The following ALAS2 variants were observed in gnomAD, a reference collection of about 807,000 sequenced individuals.
The protein encoded by ALAS2 is 5-aminolevulinate synthase, erythroid-specific, mitochondrial.
A neutral mutation model predicts 33.7 loss-of-function variants in ALAS2; 3 were observed. The observed-to-expected ratio is 0.09, with a 90% CI of 0.04 to 0.23. The LOEUF is 0.23. Among genes scored for constraint, ALAS2 ranks in the 10% least tolerant of loss-of-function variants. ALAS2 has a pLI of 1.00. For synonymous variants in ALAS2, 191 were observed against 177.3 expected (o/e 1.08, Z -0.61); for missense variants, 304 against 475.1 (o/e 0.64, Z 3.35).
rs138148459 is a variant in ALAS2, at chrX:55,017,292, A to G, written c.1003+194T>C. 5.3e-5 allele frequency among the ~76,000 whole-genome samples: 6 copies of G among 112,549 alleles called. No individual in the cohort carries two copies. The East Asian group carries it at 1.7e-3, about 31-fold the overall frequency. On this transcript the variant is annotated intron_variant, in intron 7 of 10. Transcript: ENST00000650242. ...TCCTCATGTAAAAAATCAAAATAAT[A>G]ATAACACCTATCACATAGAATTGTT...
intron 10 of ALAS2, among the ~76,000 whole-genome samples, chrX:55,011,353 A>G (rs1935599984): frequency 8.9e-6 from 1 of 112,123 alleles, no homozygotes; most frequent in African/African-American, 3.2e-5. Context: ...TTTAAGATAA[A>G]AAAACATAAA....
chrX:55,027,888 G>A, intron 1 of ALAS2: 1 of 862,832 alleles, frequency 1.2e-6, no homozygotes, highest in Non-Finnish European at 1.7e-6. Context: ...AGGGTTGTTG[G>A]AGGGACTAAA....
chrX:55,028,020 A>G (rs753816592), intron 1 of ALAS2, among the ~76,000 whole-genome samples: 6 of 112,023 alleles, frequency 5.4e-5, no homozygotes, highest in Non-Finnish European at 9.4e-5. Flanking sequence ...TCTTGTTCAA[A>G]TCACTTCCCC....
intron 10 of ALAS2, 40 bp from the exon 11 acceptor site, chrX:55,009,383 G>A: frequency 1.7e-6 from 2 of 1,151,160 alleles, no homozygotes; most frequent in South Asian, 3.9e-5. Context: ...AAATGGGTTA[G>A]ACTAGATCTT....
chrX:55,009,727 T>A, intron 10 of ALAS2, among the ~76,000 whole-genome samples: 1 of 110,852 alleles, frequency 9.0e-6, no homozygotes. Context: ...AAACCTGGGG[T>A]AGGGGGTCCA....
intron 7 of ALAS2, among the ~76,000 whole-genome samples, chrX:55,015,947 C>T (rs765421354): frequency 3.1e-5 from 3 of 96,071 alleles, no homozygotes; most frequent in African/African-American, 1.2e-4. Flanking sequence ...CTCTCTCTCT[C>T]TCTCTGTCTC....
At chrX:55,026,212 C>G (rs1935889955) in intron 1 of ALAS2, among the ~76,000 whole-genome samples, 197 bp from the exon 2 acceptor site, 1 of 111,383 alleles carries the variant, frequency 9.0e-6, no homozygotes, top group Non-Finnish European at 1.9e-5. Flanking sequence ...AGGAAACTGA[C>G]TACTGGGCAA....
intron 2 of ALAS2, 74 bp from the exon 3 acceptor site, chrX:55,024,914 C>T: frequency 8.7e-7 from 1 of 1,145,537 alleles, no homozygotes; most frequent in Non-Finnish European, 1.2e-6. Context: ...TTGCTGAGAT[C>T]TAATGTACCC....
intron 8 of ALAS2, among the ~76,000 whole-genome samples, chrX:55,015,312 AG>A (rs1250087261): frequency 6.5e-5 from 7 of 108,355 alleles, no homozygotes; most frequent in African/African-American, 2.0e-4. Flanking sequence ...AGGGTGGGGG[AG>A]GGGTTTAGAA....
chrX:55,013,536 C>T lies in ALAS2; in HGVS notation c.1550G>A (p.Arg517His). 8.3e-7 allele frequency: 1 copy of T among 1,211,310 alleles called. No individual in the cohort carries two copies. The highest frequency in any genetic ancestry group is 1.1e-6 in the Non-Finnish European group (1 of 895,388). ...PTVPRGEELL[R>H]LAPSPHHSPQ... The stretch of plus-strand genomic sequence containing the variant: ...GCTGTGGTGGGGGGAGGGTGCCAAG[C>T]GCAGGAGCTCTTCACCCCGGGGGAC... Residue 517 changes from arginine (R) to histidine (H), a missense_variant, in exon 10 of 11, where the codon CGC becomes CAC. Coordinates refer to ENST00000650242, the MANE Select transcript of ALAS2 (RefSeq NM_000032.5).
At chrX:55,030,471 C>T (rs1409633073) in intron 1 of ALAS2, among the ~76,000 whole-genome samples, 1 of 111,307 alleles carries the variant, frequency 9.0e-6, no homozygotes, top group Non-Finnish European at 1.9e-5. Context: ...TGCTGTCAGC[C>T]CAGCAGGTAG....
rs954747290 is a variant in ALAS2, at chrX:55,030,962, C to T, written c.-36G>A. 9 of 340,340 alleles carry T rather than the reference C, an allele frequency of 2.6e-5. No individual in the cohort carries two copies. In the East Asian group the frequency reaches 3.9e-4, roughly 15 times the overall value. 28.0% of individuals were successfully genotyped at this position (340,340 alleles called of 1,213,427 possible). ...CTTACCTGTTGCCCTGCACTGAGGA[C>T]GAACGAATGACAGGTGGGTACTTGG... is the stretch of plus-strand genomic sequence containing the variant. On this transcript the variant is annotated 5_prime_UTR_variant, in exon 1 of 11. Coordinates refer to ENST00000650242, the MANE Select transcript of ALAS2 (RefSeq NM_000032.5).
At chrX:55,020,292 C>T in intron 6 of ALAS2, 28 bp downstream of exon 6, 1 of 1,195,686 alleles carries the variant, frequency 8.4e-7, no homozygotes, top group Non-Finnish European at 1.1e-6. Context: ...GATACCAGCC[C>T]TGAACAAAGC....
At position 55,015,586 on chromosome X, in the gene ALAS2, C is replaced by G. The variant is rs1057522832; in HGVS notation, c.1160G>C (p.Gly387Ala). The G allele has an allele frequency of 8.3e-7, 1 of 1,211,372 alleles. No individual in the cohort carries two copies. Among genetic ancestry groups the G allele is most frequent in the South Asian group, 1.8e-5 (1 of 56,969 alleles). The change falls in exon 8 of 11, where the codon GGA becomes GCA. Residue 387 changes from glycine to alanine, a missense_variant. By Grantham distance (60) the Gly-to-Ala change is moderately conservative. Coordinates refer to ENST00000650242, the MANE Select transcript of ALAS2 (RefSeq NM_000032.5). Reference sequence around the variant, plus strand: ...CCAAAGCATTCACTTACCAAGAGTTCCAGAGATGATGTCAATCTTATGCAT... The same window carrying G: ...CCAAAGCATTCACTTACCAAGAGTTGCAGAGATGATGTCAATCTTATGCAT... ...GIMHKIDIIS[G>A]TLGKAFGCVG...
rs759942605 is a variant in ALAS2 at position 55,017,613 on chromosome X, G to A, written c.876C>T (p.Ile292=). The A allele has an allele frequency of 8.3e-7, 1 of 1,211,665 alleles. No individual in the cohort carries two copies. The highest frequency in any genetic ancestry group is 1.1e-6 in the Non-Finnish European group (1 of 895,487). Reference sequence around the variant, plus strand: ...CAAACTTGGCTGCTCCACTGTTACGGATACCTTGGATCATGGAAGCATGGT... The same window carrying A: ...CAAACTTGGCTGCTCCACTGTTACGAATACCTTGGATCATGGAAGCATGGT... ...AGNHASMIQG[I]RNSGAAKFVF... The change falls in exon 7 of 11, where the codon ATC becomes ATT. Residue 292 remains isoleucine, a synonymous_variant. Coordinates refer to ENST00000650242, the MANE Select transcript of ALAS2 (RefSeq NM_000032.5).
intron 7 of ALAS2, 123 bp downstream of exon 7, chrX:55,017,363 C>A: frequency 1.5e-6 from 1 of 655,510 alleles, no homozygotes; most frequent in Non-Finnish European, 2.5e-6. Flanking sequence ...AATAATTTTG[C>A]TTGGCACATA....
chrX:55,013,057 T>C (rs1308027838), intron 10 of ALAS2, among the ~76,000 whole-genome samples: 2 of 111,287 alleles, frequency 1.8e-5, no homozygotes, highest in Non-Finnish European at 3.8e-5. Flanking sequence ...CTTCTCATTC[T>C]CCTCACCTAT....
chrX:55,025,198 C>T (rs140338593), intron 2 of ALAS2, among the ~76,000 whole-genome samples: 1 of 111,721 alleles, frequency 9.0e-6, no homozygotes, highest in Non-Finnish European at 1.9e-5. Context: ...TTCTCCAGTA[C>T]AGGGTCTAGG....
At chrX:55,025,317 C>T (rs1935873207) in intron 2 of ALAS2, among the ~76,000 whole-genome samples, 1 of 111,373 alleles carries the variant, frequency 9.0e-6, no homozygotes, top group Non-Finnish European at 1.9e-5. Context: ...AGGGACATGA[C>T]AGTGAGACTG....
Sources: gnomAD v4.1 joint callset for allele counts (sites outside exome capture counted in the v4.1 genomes callset) on GRCh38, gnomAD v4.1.1 for gene constraint, MANE v1.5 for transcripts, NCBI Gene and HGNC (gene_info 2026-07-23, HGNC 2026-07-21) for gene names.